Variants in DYM observed in about 807,000 individuals in gnomAD.
DYM encodes the protein dyggve-Melchior-Clausen syndrome protein.
In DYM, 78 loss-of-function variants were observed where a neutral mutation model predicts 93.1. That is an observed-to-expected ratio of 0.84 (90% CI 0.70 to 1.01). The LOEUF (loss-of-function observed/expected upper bound fraction) is 1.01. DYM is among the 50% of genes least tolerant of loss of function. The probability of loss-of-function intolerance (pLI) is 0.00; values close to 1 mark genes in which losing one functional copy is unlikely to be tolerated. For missense variants in DYM, 789 were observed against 845.0 expected, an observed-to-expected ratio of 0.93 and a Z score of 0.82; for synonymous variants, 321 against 319.7, an observed-to-expected ratio of 1.00 and a Z score of -0.04.
At chr18:49,185,558 CACA>C (rs1421256680) in intron 14 of DYM, among the ~76,000 whole-genome samples, 6 of 152,070 alleles carry the variant, frequency 3.9e-5, no homozygotes, top group East Asian at 3.9e-4. Context: ...GCAGAAAGCT[CACA>C]ACAACATCAG....
intron 4 of DYM, among the ~76,000 whole-genome samples, chr18:49,379,134 C>G (rs1464650853): frequency 6.6e-6 from 1 of 152,110 alleles, no homozygotes; most frequent in African/African-American, 2.4e-5. Context: ...TATTAATGAC[C>G]ATGAACTCCC....
intron 1 of DYM, among the ~76,000 whole-genome samples, chr18:49,435,442 A>T (rs2080765179): frequency 7.1e-6 from 1 of 141,328 alleles, no homozygotes; most frequent in African/African-American, 2.6e-5. Flanking sequence ...AAAAAAAAAA[A>T]GTATAATTGA....
intron 13 of DYM, among the ~76,000 whole-genome samples, chr18:49,236,500 A>G (rs2093870708): frequency 6.6e-6 from 1 of 151,432 alleles, no homozygotes; most frequent in Non-Finnish European, 1.5e-5. Flanking sequence ...ATAAATAAAT[A>G]AATAAATAGC....
At chr18:49,172,578 C>T (rs528812227) in intron 14 of DYM, among the ~76,000 whole-genome samples, 1 of 152,202 alleles carries the variant, frequency 6.6e-6, no homozygotes, top group African/African-American at 2.4e-5. Flanking sequence ...CAAATCTTTG[C>T]CCATTTAAAA....
intron 14 of DYM, among the ~76,000 whole-genome samples, chr18:49,166,617 T>C (rs1201116916): frequency 6.6e-6 from 1 of 150,572 alleles, no homozygotes; most frequent in Non-Finnish European, 1.5e-5. Context: ...AAAAAAAAGG[T>C]AAAAAAATTG....
intron 8 of DYM, among the ~76,000 whole-genome samples, chr18:49,311,639 AC>A (rs1377401855): frequency 6.7e-6 from 1 of 149,730 alleles, no homozygotes; most frequent in Non-Finnish European, 1.5e-5. Flanking sequence ...AGAAAACCAA[AC>A]ACCACATGTT....
chr18:49,406,765 A>G (rs1273593659), intron 2 of DYM, among the ~76,000 whole-genome samples: 2 of 152,108 alleles, frequency 1.3e-5, no homozygotes, highest in Non-Finnish European at 2.9e-5. Flanking sequence ...TGATAAAACC[A>G]CTCTGGAAAG....
At chr18:49,445,476 C>A (rs76175627) in intron 1 of DYM, among the ~76,000 whole-genome samples, 1 of 151,124 alleles carries the variant, frequency 6.6e-6, no homozygotes, top group Non-Finnish European at 1.5e-5. Context: ...AACAAAAGAA[C>A]GGAGAAAAGA....
chr18:49,389,886 T>C lies in DYM; in HGVS notation c.193+1707A>G, dbSNP rs533756234. Among the ~76,000 whole-genome samples, 198 of 152,282 alleles carry C rather than the reference T, an allele frequency of 1.3e-3. 1 individual carries two copies. Among genetic ancestry groups the C allele is most frequent in the African/African-American group, 4.4e-3 (184 of 41,572 alleles). Reference sequence around the variant, plus strand: ...GTTTTCTCATTGCTTTGTTATATTTTTGTTTTTTCATCTTTTAATTTTATA... The same window carrying C: ...GTTTTCTCATTGCTTTGTTATATTTCTGTTTTTTCATCTTTTAATTTTATA... On this transcript the variant is annotated intron_variant, in intron 3 of 17. Transcript: ENST00000675505.
At chr18:49,204,149 A>G (rs1436742652) in intron 14 of DYM, among the ~76,000 whole-genome samples, 2 of 152,180 alleles carry the variant, frequency 1.3e-5, no homozygotes, top group Admixed American at 6.5e-5. Flanking sequence ...AGTTATATGA[A>G]CCCCAAAAGG....
intron 9 of DYM, among the ~76,000 whole-genome samples, chr18:49,283,438 T>A (rs975476623): frequency 2.0e-5 from 3 of 151,764 alleles, no homozygotes; most frequent in Admixed American, 1.3e-4. Context: ...TTTTTTTTTT[T>A]AAAGTACAGT....
At position 49,207,904 on chromosome 18, in the gene DYM, C is replaced by T. The variant is rs549580030; in HGVS notation, c.1625+1647G>A. 9.9e-5 allele frequency among the ~76,000 whole-genome samples: 15 copies of T among 151,998 alleles called. No individual in the cohort carries two copies. The East Asian group carries it at 2.1e-3, about 22-fold the overall frequency. On this transcript the variant is annotated intron_variant, in intron 14 of 17. Coordinates refer to ENST00000675505, the MANE Select transcript of DYM (RefSeq NM_001353214.3). ...ACTAGTAAATAAGAGTAAGGTCGAC[C>T]GGGTGTAGTGGCTCACACCTGTAAT...
At chr18:49,367,570 T>C (rs2066634156) in intron 5 of DYM, among the ~76,000 whole-genome samples, 1 of 152,044 alleles carries the variant, frequency 6.6e-6, no homozygotes, top group Non-Finnish European at 1.5e-5. Flanking sequence ...GGGAAGACAG[T>C]AAAAAAATTA....
chr18:49,047,970 A>G (rs1172604774), intron 17 of DYM, among the ~76,000 whole-genome samples: 2 of 152,218 alleles, frequency 1.3e-5, no homozygotes, highest in Admixed American at 1.3e-4. Context: ...GGTAACTCGG[A>G]GCTCAGAGAG....
chr18:49,183,315 G>A (rs1207644200), intron 14 of DYM, among the ~76,000 whole-genome samples: 1 of 152,098 alleles, frequency 6.6e-6, no homozygotes, highest in Admixed American at 6.6e-5. Context: ...TTAGGTACTT[G>A]CTACTTTTCC....
At chr18:49,452,139 G>C (rs556814447) in intron 1 of DYM, among the ~76,000 whole-genome samples, 1 of 152,156 alleles carries the variant, frequency 6.6e-6, no homozygotes, top group Non-Finnish European at 1.5e-5. Flanking sequence ...TCTTCAAGGC[G>C]GCATGTCCAG....
At chr18:49,068,991 T>A (rs2076679278) in intron 17 of DYM, among the ~76,000 whole-genome samples, 1 of 152,244 alleles carries the variant, frequency 6.6e-6, no homozygotes, top group Non-Finnish European at 1.5e-5. Context: ...GAGAATAGAA[T>A]GTATATTGAG....
chr18:49,365,748 C>T lies in DYM; in HGVS notation c.422-2515G>A, dbSNP rs183980266. On this transcript the variant is annotated intron_variant, in intron 5 of 17. Transcript: ENST00000675505. The stretch of plus-strand genomic sequence containing the variant: ...AGCAGCCAGCACAGTTTTTTAATTA[C>T]GGAAGGTGAGAGACCAAGCACTCAG... Among the ~76,000 whole-genome samples the T allele has an allele frequency of 3.4e-4, 52 of 152,262 alleles. 1 individual carries two copies. Among genetic ancestry groups the T allele is most frequent in the African/African-American group, 1.1e-3 (45 of 41,540 alleles).
chr18:49,301,729 G>A (rs920726661), intron 8 of DYM, among the ~76,000 whole-genome samples: 6 of 152,146 alleles, frequency 3.9e-5, no homozygotes, highest in African/African-American at 9.7e-5. Context: ...AGCTGGTGAG[G>A]AAAGAAAATA....
Sources: gnomAD v4.1 joint callset for allele counts (sites outside exome capture counted in the v4.1 genomes callset) on GRCh38, gnomAD v4.1.1 for gene constraint, MANE v1.5 for transcripts, NCBI Gene and HGNC (gene_info 2026-07-23, HGNC 2026-07-21) for gene names.